CRACD: variants seen among roughly 807,000 people sequenced by gnomAD.
CRACD encodes the protein capping protein inhibiting regulator of actin dynamics.
Under a neutral mutation model 106.8 loss-of-function variants are expected in CRACD, and 56 were observed. The observed-to-expected ratio is 0.52, with a 90% CI of 0.42 to 0.66. CRACD has a LOEUF of 0.66. Ranked by LOEUF, CRACD falls within the 30% of genes least tolerant of loss-of-function variation. The pLI is 0.00. For missense variants in CRACD, 1,730 were observed against 1,623.2 expected, an observed-to-expected ratio of 1.07 and a Z score of -1.13; for synonymous variants, 754 against 670.8, an observed-to-expected ratio of 1.12 and a Z score of -1.92.
At chr4:56,205,477 C>A (rs909443229) in intron 2 of CRACD, among the ~76,000 whole-genome samples, 3 of 151,826 alleles carry the variant, frequency 2.0e-5, no homozygotes, top group Non-Finnish European at 2.9e-5. Flanking sequence ...CAAGCGTGCC[C>A]CGATAAACTG....
chr4:56,133,118 C>T (rs1349769719), intron 1 of CRACD, among the ~76,000 whole-genome samples: 1 of 152,274 alleles, frequency 6.6e-6, no homozygotes, highest in South Asian at 2.1e-4. Context: ...TGGTTGGATC[C>T]TGTCACCCAG....
chr4:56,081,893 T>C (rs142714526), intron 1 of CRACD, among the ~76,000 whole-genome samples: 2,302 of 152,200 alleles, frequency 0.015, 49 homozygotes, highest in African/African-American at 0.052. Context: ...GGAGAATTGC[T>C]TGGACCCGGG....
chr4:56,116,282 T>C (rs1256629583), intron 1 of CRACD, among the ~76,000 whole-genome samples: 1 of 152,104 alleles, frequency 6.6e-6, no homozygotes, highest in African/African-American at 2.4e-5. Context: ...AGGAAAAAAA[T>C]AAATGGAAGA....
Position 56,213,573 on chromosome 4 carries a change from C to T in CRACD, c.-189+34143C>T, listed in dbSNP as rs958257657. On this transcript the variant is annotated intron_variant, in intron 2 of 10. Transcript: ENST00000682029. The stretch of plus-strand genomic sequence containing the variant: ...AGGCCAGAGTACATTCAGAGAGACT[C>T]CAGTACAGCCACATGTTGGAAGATT... Among the ~76,000 whole-genome samples, 5 of 152,290 alleles carry T rather than the reference C, an allele frequency of 3.3e-5. 1 individual carries two copies. The highest frequency in any genetic ancestry group is 6.8e-3 in the Middle Eastern group (2 of 294).
chr4:56,111,496 G>A (rs1309022181), intron 1 of CRACD, among the ~76,000 whole-genome samples: 1 of 152,150 alleles, frequency 6.6e-6, no homozygotes, highest in Non-Finnish European at 1.5e-5. Context: ...GTAAATAAAA[G>A]TGAAAATGAA....
At chr4:56,134,339 G>A (rs1323926830) in intron 1 of CRACD, among the ~76,000 whole-genome samples, 1 of 152,188 alleles carries the variant, frequency 6.6e-6, no homozygotes, top group South Asian at 2.1e-4. Context: ...AGATTAAAAT[G>A]TATTATCAGT....
intron 2 of CRACD, among the ~76,000 whole-genome samples, chr4:56,220,402 G>A (rs1738965579): frequency 6.6e-6 from 1 of 152,142 alleles, no homozygotes; most frequent in Admixed American, 6.5e-5. Flanking sequence ...ATGAGACAGT[G>A]GGATTTTCAT....
intron 1 of CRACD, among the ~76,000 whole-genome samples, chr4:56,090,228 A>G (rs1180705576): frequency 6.6e-6 from 1 of 151,892 alleles, no homozygotes; most frequent in South Asian, 2.1e-4. Flanking sequence ...CAAGTGATGA[A>G]GATAATGAAC....
chr4:56,056,634 G>A (rs1732080280), intron 1 of CRACD, among the ~76,000 whole-genome samples: 2 of 151,158 alleles, frequency 1.3e-5, no homozygotes, highest in South Asian at 2.1e-4. Flanking sequence ...CCCTCTCCCC[G>A]AAAAACCAAA....
At chr4:56,193,807 TTC>T (rs1014398531) in intron 2 of CRACD, among the ~76,000 whole-genome samples, 15 of 151,966 alleles carry the variant, frequency 9.9e-5, no homozygotes, top group African/African-American at 2.9e-4. Context: ...GGAAAAAAGT[TTC>T]TGTTTTTTTT....
At chr4:56,092,252 T>C (rs1733446468) in intron 1 of CRACD, among the ~76,000 whole-genome samples, 1 of 152,140 alleles carries the variant, frequency 6.6e-6, no homozygotes, top group Middle Eastern at 3.2e-3. Context: ...AGAAGGTGCA[T>C]GGTGCTTCCA....
chr4:56,179,022 T>G (rs1373428946), intron 1 of CRACD, among the ~76,000 whole-genome samples: 8 of 152,322 alleles, frequency 5.3e-5, no homozygotes, highest in African/African-American at 1.7e-4. Flanking sequence ...CATATGGAAG[T>G]CTCAGTATTC....
rs138877731 is a variant in CRACD, at chr4:56,307,673, A to G, written c.259A>G (p.Ile87Val). The G allele has an allele frequency of 5.8e-5, 94 of 1,614,196 alleles. No homozygotes were observed. The African/African-American group carries it at 1.0e-3, about 18-fold the overall frequency. ...SPMEIVTQQDIVLSDAENKSS... is the reference protein window; with the variant it reads ...SPMEIVTQQDVVLSDAENKSS... Reference sequence around the variant, plus strand: ...CATGGAAATTGTGACTCAGCAGGACATCGTCCTCTCAGACGCAGAGAACAA... The same window carrying G: ...CATGGAAATTGTGACTCAGCAGGACGTCGTCCTCTCAGACGCAGAGAACAA... The change falls in exon 5 of 11, where the codon ATC becomes GTC. Residue 87 changes from isoleucine to valine, a missense_variant. Physicochemically the swap from Ile to Val is conservative, Grantham distance 29. Coordinates refer to ENST00000682029, the MANE Select transcript of CRACD (RefSeq NM_001393381.1).
intron 2 of CRACD, among the ~76,000 whole-genome samples, chr4:56,253,926 A>G (rs1741191578): frequency 6.6e-6 from 1 of 152,156 alleles, no homozygotes; most frequent in Non-Finnish European, 1.5e-5. Flanking sequence ...CCTACATCAC[A>G]TGAGTCAGTG....
intron 3 of CRACD, among the ~76,000 whole-genome samples, chr4:56,281,504 G>A (rs997668228): frequency 3.3e-5 from 5 of 152,216 alleles, no homozygotes; most frequent in Admixed American, 2.0e-4. Flanking sequence ...TGTCTCACTC[G>A]AGAGCTGTGT....
At chr4:56,248,950 A>G (rs919248265) in intron 2 of CRACD, among the ~76,000 whole-genome samples, 3 of 123,826 alleles carry the variant, frequency 2.4e-5, no homozygotes, top group Non-Finnish European at 5.1e-5. Context: ...TATATGTGCC[A>G]CATTTTCTTA....
chr4:56,324,236 A>G lies in CRACD; in HGVS notation c.3511A>G (p.Lys1171Glu), dbSNP rs1190566260. The G allele has an allele frequency of 6.2e-7, 1 of 1,614,006 alleles. No individual in the cohort carries two copies. The highest frequency in any genetic ancestry group is 1.3e-5 in the African/African-American group (1 of 74,934). Residue 1171 changes from lysine (K) to glutamate (E), a missense_variant, in exon 10 of 11, where the codon AAG (lysine) becomes GAG (glutamate). This residue lies in a region of CRACD where 89 missense variants were observed against 89.6 expected (regional missense o/e 0.99). Coordinates refer to ENST00000682029, the MANE Select transcript of CRACD (RefSeq NM_001393381.1). ...SRLERREQLK[K>E]ANTLPTSVTV... The stretch of plus-strand genomic sequence containing the variant: ...GCTTGAGCGCAGAGAACAGCTGAAA[A>G]AGGCCAATACTCTTCCTACGTCTGT...
intron 1 of CRACD, among the ~76,000 whole-genome samples, chr4:56,054,252 C>T (rs1196366413): frequency 1.3e-5 from 2 of 152,272 alleles, no homozygotes; most frequent in African/African-American, 2.4e-5. Flanking sequence ...GTAACCATGG[C>T]TCACTGCAGC....
intron 1 of CRACD, among the ~76,000 whole-genome samples, chr4:56,050,828 A>T (rs1731850488): frequency 6.6e-6 from 1 of 152,234 alleles, no homozygotes; most frequent in African/African-American, 2.4e-5. Flanking sequence ...TCAAAAGCTT[A>T]ATTTTACAGT....
Sources: gnomAD v4.1 joint callset for allele counts (sites outside exome capture counted in the v4.1 genomes callset) on GRCh38, gnomAD v4.1.1 for gene constraint, gnomAD v4.1.1 regional missense constraint, MANE v1.5 for transcripts, NCBI Gene and HGNC (gene_info 2026-07-23, HGNC 2026-07-21) for gene names.